Variants in DLGAP1 observed in about 807,000 individuals in gnomAD.
The protein encoded by DLGAP1 is disks large-associated protein 1.
Under a neutral mutation model 90.8 loss-of-function variants are expected in DLGAP1, and 11 were observed. The observed-to-expected ratio is 0.12, with a 90% confidence interval of 0.08 to 0.20. The LOEUF (loss-of-function observed/expected upper bound fraction) is 0.20, where lower values mean the gene tolerates loss of function less well. Ranked by LOEUF, DLGAP1 falls within the 10% of genes least tolerant of loss-of-function variation. DLGAP1 has a pLI of 1.00. For synonymous variants in DLGAP1, 558 were observed against 540.7 expected, an observed-to-expected ratio of 1.03 and a Z score of -0.44; for missense variants, 1,050 against 1,333.8, an observed-to-expected ratio of 0.79 and a Z score of 3.31.
At chr18:4,005,712 C>T (rs2074287397) in intron 2 of DLGAP1, among the ~76,000 whole-genome samples, 2 of 152,152 alleles carry the variant, frequency 1.3e-5, no homozygotes, top group African/African-American at 4.8e-5. Context: ...CTGATAGGAG[C>T]CTTCTCCATC....
chr18:4,066,064 G>A (rs927629738), intron 2 of DLGAP1, among the ~76,000 whole-genome samples: 2 of 152,044 alleles, frequency 1.3e-5, no homozygotes, highest in African/African-American at 4.8e-5. Flanking sequence ...CAGGCAATGG[G>A]GAAAGGATAC....
At chr18:4,344,105 C>T (rs71358044) in intron 1 of DLGAP1, among the ~76,000 whole-genome samples, 2 of 152,080 alleles carry the variant, frequency 1.3e-5, no homozygotes, top group African/African-American at 4.8e-5. Context: ...AATTTAAAGA[C>T]AGACAACATC....
intron 1 of DLGAP1, among the ~76,000 whole-genome samples, chr18:4,335,819 C>T (rs995466106): frequency 6.6e-6 from 1 of 151,968 alleles, no homozygotes; most frequent in African/African-American, 2.4e-5. Flanking sequence ...TGAAAGACTG[C>T]GTTAGAAAAA....
At chr18:4,258,464 A>G (rs1002720313) in intron 1 of DLGAP1, among the ~76,000 whole-genome samples, 2 of 151,794 alleles carry the variant, frequency 1.3e-5, no homozygotes, top group East Asian at 1.9e-4. Flanking sequence ...TTTATATCCC[A>G]TTTCCCTTAC....
intron 7 of DLGAP1, among the ~76,000 whole-genome samples, chr18:3,641,013 A>T (rs1399931575): frequency 6.6e-6 from 1 of 152,222 alleles, no homozygotes; most frequent in Non-Finnish European, 1.5e-5. Flanking sequence ...CCAAGCAGTC[A>T]GAATCTAGAA....
intron 7 of DLGAP1, among the ~76,000 whole-genome samples, chr18:3,642,482 T>A (rs1006349041): frequency 6.6e-6 from 1 of 152,214 alleles, no homozygotes; most frequent in African/African-American, 2.4e-5. Flanking sequence ...TTTAGCCCTA[T>A]CTGGAGATAG....
At chr18:3,806,229 A>G (rs1472728377) in intron 5 of DLGAP1, among the ~76,000 whole-genome samples, 1 of 152,236 alleles carries the variant, frequency 6.6e-6, no homozygotes, top group African/African-American at 2.4e-5. Context: ...ACAAAACAAA[A>G]ACAAAAAGAA....
chr18:4,018,752 AG>A (rs2074561600), intron 2 of DLGAP1, among the ~76,000 whole-genome samples: 1 of 152,270 alleles, frequency 6.6e-6, no homozygotes, highest in African/African-American at 2.4e-5. Context: ...TCAGAGCAGA[AG>A]AACTTTCAGC....
In DLGAP1 at chr18:3,742,318, G is replaced by A. The variant is rs546989268; in HGVS notation, c.1350+17C>T. On this transcript the variant is annotated intron_variant, in intron 6 of 12. Coordinates refer to ENST00000315677, the MANE Select transcript of DLGAP1 (RefSeq NM_004746.4). ...CCACTAATGGCTCCTGACCACCGCT[G>A]CCCTGACGGCCCTCACCTGGCTGAT... 3.4e-4 allele frequency: 549 copies of A among 1,610,130 alleles called. 6 individuals carry two copies. In the South Asian group the frequency reaches 5.7e-3, roughly 17 times the overall value.
At chr18:3,977,577 A>G in intron 3 of DLGAP1, 1 of 195,888 alleles carries the variant, frequency 5.1e-6, no homozygotes, top group African/African-American at 2.4e-5. Context: ...TGGAGGACTG[A>G]GTGCGGCAGG....
intron 1 of DLGAP1, among the ~76,000 whole-genome samples, chr18:4,376,987 C>T (rs1280471842): frequency 6.6e-6 from 1 of 152,150 alleles, no homozygotes; most frequent in Non-Finnish European, 1.5e-5. Context: ...AAGTTTCTGA[C>T]ATCATAAATT....
chr18:4,427,951 C>A (rs910394414), intron 1 of DLGAP1, among the ~76,000 whole-genome samples: 2 of 152,110 alleles, frequency 1.3e-5, no homozygotes, highest in Non-Finnish European at 2.9e-5. Flanking sequence ...TACTGTCAAG[C>A]CTGGATGTAA....
intron 2 of DLGAP1, among the ~76,000 whole-genome samples, chr18:4,019,476 A>C (rs1174608494): frequency 1.3e-5 from 2 of 152,152 alleles, no homozygotes; most frequent in Admixed American, 6.5e-5. Flanking sequence ...TAAAATGAAA[A>C]GTCCTTTTCG....
At chr18:4,396,118 G>A (rs2082434550) in intron 1 of DLGAP1, among the ~76,000 whole-genome samples, 1 of 152,176 alleles carries the variant, frequency 6.6e-6, no homozygotes, top group African/African-American at 2.4e-5. Flanking sequence ...GTCTTTTCCA[G>A]ATGGATTTGC....
chr18:4,172,711 T>G (rs565600384), intron 1 of DLGAP1, among the ~76,000 whole-genome samples: 1 of 152,360 alleles, frequency 6.6e-6, no homozygotes, highest in South Asian at 2.1e-4. Flanking sequence ...GCTGATGGCA[T>G]AGCAACCGCA....
intron 3 of DLGAP1, among the ~76,000 whole-genome samples, chr18:3,891,420 A>G (rs1266912914): frequency 6.6e-6 from 1 of 152,098 alleles, no homozygotes; most frequent in Non-Finnish European, 1.5e-5. Flanking sequence ...GACTGGTGCC[A>G]TGGCAAATTC....
chr18:4,269,503 A>T (rs957332297), intron 1 of DLGAP1, among the ~76,000 whole-genome samples: 1 of 151,742 alleles, frequency 6.6e-6, no homozygotes, highest in South Asian at 2.1e-4. Context: ...ACAGGAGCCC[A>T]CCACCATGCG....
chr18:4,444,224 A>AT (rs34005135), intron 1 of DLGAP1, among the ~76,000 whole-genome samples: 86,233 of 151,918 alleles, frequency 0.57, 25,163 homozygotes, highest in East Asian at 0.85. Context: ...TTGCCTCTTC[A>AT]TTTTTTTCCC....
chr18:3,868,893 AAAG>A (rs1444254833), intron 4 of DLGAP1, among the ~76,000 whole-genome samples: 1 of 152,204 alleles, frequency 6.6e-6, no homozygotes, highest in African/African-American at 2.4e-5. Flanking sequence ...GGGCACGAGC[AAAG>A]AAGAGTGATG....
Sources: gnomAD v4.1 joint callset for allele counts (sites outside exome capture counted in the v4.1 genomes callset) on GRCh38, gnomAD v4.1.1 for gene constraint, MANE v1.5 for transcripts, NCBI Gene and HGNC (gene_info 2026-07-23, HGNC 2026-07-21) for gene names.